The following DGKD variants were observed in gnomAD, a reference collection of about 807,000 sequenced individuals.
DGKD encodes the protein diacylglycerol kinase delta, also known as DAG kinase delta.
Under a neutral mutation model 154.4 loss-of-function variants are expected in DGKD, and 68 were observed. The ratio of observed to expected loss-of-function variants is 0.44; its 90% confidence interval spans 0.36 to 0.54. The LOEUF is 0.54. DGKD is among the 20% of genes least tolerant of loss of function. DGKD has a pLI of 0.00. For missense variants in DGKD, 1,343 were observed against 1,593.6 expected, an observed-to-expected ratio of 0.84 and a Z score of 2.68; for synonymous variants, 693 against 638.0, an observed-to-expected ratio of 1.09 and a Z score of -1.30.
intron 3 of DGKD, among the ~76,000 whole-genome samples, chr2:233,420,411 A>C (rs890064192): frequency 6.6e-6 from 1 of 152,186 alleles, no homozygotes; most frequent in Non-Finnish European, 1.5e-5. Context: ...CTGAGAAATA[A>C]ACATAATAGA....
rs1042650692 is a variant in DGKD at position 233,461,052 on chromosome 2, A to T, written c.2981+707A>T. Among the ~76,000 whole-genome samples, 2 of 149,284 alleles carry T rather than the reference A, an allele frequency of 1.3e-5. 1 individual carries two copies. The highest frequency in any genetic ancestry group is 3.0e-5 in the Non-Finnish European group (2 of 67,588). ...AAAAAAAAAAGACAACTGCTGGGGCATTTCCTCTCACCTGCCTTCTAGAAA... is the reference window on the plus strand; with the variant it reads ...AAAAAAAAAAGACAACTGCTGGGGCTTTTCCTCTCACCTGCCTTCTAGAAA... On this transcript the variant is annotated intron_variant, in intron 24 of 29. Coordinates refer to ENST00000264057, the MANE Select transcript of DGKD (RefSeq NM_152879.3).
chr2:233,388,510 T>C (rs838719), intron 2 of DGKD, 143 bp downstream of exon 2: 250,321 of 662,882 alleles, frequency 0.38, 49,691 homozygotes, highest in East Asian at 0.42. Flanking sequence ...CACTCCACGC[T>C]GTCAGGTTTT....
Position 233,467,068 on chromosome 2 carries a change from C to A in DGKD, c.3307-18C>A. Reference sequence around the variant, plus strand: ...CAGTTGCAGCCTGATTCTCAGTATTCCTCATTCTCCCCAACAGAGTGTGAT... The same window carrying A: ...CAGTTGCAGCCTGATTCTCAGTATTACTCATTCTCCCCAACAGAGTGTGAT... On this transcript the variant is annotated intron_variant, in intron 27 of 29. Transcript: ENST00000264057. 6.3e-7 allele frequency: 1 copy of A among 1,594,226 alleles called. No homozygotes were observed. The highest frequency in any genetic ancestry group is 8.6e-7 in the Non-Finnish European group (1 of 1,161,920).
At chr2:233,359,398 T>A (rs1701675981) in intron 1 of DGKD, among the ~76,000 whole-genome samples, 1 of 152,204 alleles carries the variant, frequency 6.6e-6, no homozygotes, top group Non-Finnish European at 1.5e-5. Context: ...ACTCATAGAA[T>A]TAAATGGGAT....
At chr2:233,368,422 G>A (rs958114550) in intron 1 of DGKD, among the ~76,000 whole-genome samples, 5 of 152,222 alleles carry the variant, frequency 3.3e-5, no homozygotes, top group Middle Eastern at 3.4e-3. Context: ...CGAGGCAGGA[G>A]AATCGCATGA....
chr2:233,412,926 G>A (rs923042706), intron 3 of DGKD, among the ~76,000 whole-genome samples: 1 of 151,982 alleles, frequency 6.6e-6, no homozygotes, highest in Non-Finnish European at 1.5e-5. Context: ...TTTCATTCTT[G>A]GGTTAAACCC....
chr2:233,468,591 G>C, intron 29 of DGKD, 38 bp downstream of exon 29: 5 of 1,610,840 alleles, frequency 3.1e-6, no homozygotes, highest in Non-Finnish European at 4.2e-6. Context: ...CTGCACTTGG[G>C]CTTGCACGCA....
At chr2:233,436,960 A>G (rs1355868365) in intron 7 of DGKD, among the ~76,000 whole-genome samples, 1 of 152,194 alleles carries the variant, frequency 6.6e-6, no homozygotes. Context: ...TGGGTTGGTC[A>G]TTGTGAAGTG....
chr2:233,402,704 G>A (rs1324229426), intron 3 of DGKD, among the ~76,000 whole-genome samples: 1 of 152,226 alleles, frequency 6.6e-6, no homozygotes, highest in Non-Finnish European at 1.5e-5. Context: ...CGCTTTTAGC[G>A]AGTTTGCCAG....
intron 1 of DGKD, among the ~76,000 whole-genome samples, chr2:233,377,716 A>G (rs1248338352): frequency 6.6e-6 from 1 of 152,060 alleles, no homozygotes; most frequent in East Asian, 1.9e-4. Flanking sequence ...ATTTTGCCAA[A>G]TGTTTGTCTT....
chr2:233,406,890 T>C (rs1299453139), intron 3 of DGKD, among the ~76,000 whole-genome samples: 1 of 152,158 alleles, frequency 6.6e-6, no homozygotes, highest in African/African-American at 2.4e-5. Flanking sequence ...AGAATAACCA[T>C]GTTATGCAGA....
At position 233,467,165 on chromosome 2, in the gene DGKD, A is replaced by G; in HGVS notation, c.3386A>G (p.Asn1129Ser). Residue 1129 changes from asparagine (N) to serine (S), a missense_variant, in exon 28 of 30, where the codon AAC becomes AGC. Asn to Ser is a conservative substitution (Grantham distance 46). Coordinates refer to ENST00000264057, the MANE Select transcript of DGKD (RefSeq NM_152879.3). ...LVTKFKKEKN[N>S]KNKEAHSSLG... Reference sequence around the variant, plus strand: ...ACCAAGTTTAAAAAGGAGAAAAACAACAAGAACAAAGAAGCTCACAGTAGC... The same window carrying G: ...ACCAAGTTTAAAAAGGAGAAAAACAGCAAGAACAAAGAAGCTCACAGTAGC... 2.5e-6 allele frequency: 4 copies of G among 1,614,220 alleles called. No homozygotes were observed. The highest frequency in any genetic ancestry group is 3.4e-6 in the Non-Finnish European group (4 of 1,180,038).
intron 3 of DGKD, among the ~76,000 whole-genome samples, chr2:233,430,697 G>A (rs2062479459): frequency 6.6e-6 from 1 of 152,048 alleles, no homozygotes; most frequent in Admixed American, 6.6e-5. Context: ...ACAAAATTAA[G>A]TAAAAGGTTA....
At chr2:233,355,718 C>T (rs751645872) in intron 1 of DGKD, among the ~76,000 whole-genome samples, 13 of 152,168 alleles carry the variant, frequency 8.5e-5, no homozygotes, top group Non-Finnish European at 1.2e-4. Context: ...TGCTTTGTTC[C>T]GGGTATAACA....
chr2:233,361,867 C>G (rs1381728379), intron 1 of DGKD, among the ~76,000 whole-genome samples: 1 of 152,152 alleles, frequency 6.6e-6, no homozygotes, highest in Admixed American at 6.5e-5. Context: ...ATGATCTCAG[C>G]TCACTACAAC....
At chr2:233,387,570 C>G (rs1394890469) in intron 1 of DGKD, among the ~76,000 whole-genome samples, 1 of 152,232 alleles carries the variant, frequency 6.6e-6, no homozygotes, top group Non-Finnish European at 1.5e-5. Context: ...CCCCTTCATT[C>G]TTGGCTTTAA....
chr2:233,404,710 A>C (rs746358952), intron 3 of DGKD, among the ~76,000 whole-genome samples: 1 of 151,962 alleles, frequency 6.6e-6, no homozygotes, highest in Non-Finnish European at 1.5e-5. Context: ...ATCAAGAAGA[A>C]GTTGGGTTTG....
chr2:233,382,106 C>T (rs781224350), intron 1 of DGKD, among the ~76,000 whole-genome samples: 4 of 152,178 alleles, frequency 2.6e-5, no homozygotes, highest in East Asian at 3.9e-4. Flanking sequence ...ATGTAGTGCG[C>T]GCCTGTAATC....
rs772309605 is a variant in DGKD, at chr2:233,467,117, G to A, written c.3338G>A (p.Arg1113His). The A allele has an allele frequency of 5.6e-6, 9 of 1,614,136 alleles. No homozygotes were observed. Among genetic ancestry groups the A allele is most frequent in the Admixed American group, 1.7e-5 (1 of 60,030 alleles). Residue 1113 changes from arginine (R) to histidine (H), a missense_variant, in exon 28 of 30, where the codon CGC becomes CAC. By Grantham distance (29) the Arg-to-His change is conservative. Around this residue, in one of 6 missense-constraint regions of DGKD, gnomAD observed 429 missense variants for 496.3 expected, o/e 0.86. Transcript: ENST00000264057. ...SVMLDLAKRS[R>H]SGKFRLVTKF... is the part of the protein sequence containing the mutation. ...ATGCTGGATCTTGCCAAGCGCAGTC[G>A]CAGTGGTAAATTCCGCCTCGTGACC...
Sources: gnomAD v4.1 joint callset for allele counts (sites outside exome capture counted in the v4.1 genomes callset) on GRCh38, gnomAD v4.1.1 for gene constraint, gnomAD v4.1.1 regional missense constraint, MANE v1.5 for transcripts, NCBI Gene and HGNC (gene_info 2026-07-23, HGNC 2026-07-21) for gene names.